PCDH15: variants seen among roughly 807,000 people sequenced by gnomAD.
PCDH15 encodes the protein protocadherin-15.
In PCDH15, 129 loss-of-function variants were observed where a neutral mutation model predicts 178.5. The ratio of observed to expected loss-of-function variants is 0.72; its 90% CI spans 0.63 to 0.84. The LOEUF (loss-of-function observed/expected upper bound fraction) is 0.84. Among genes scored for constraint, PCDH15 ranks in the 40% least tolerant of loss-of-function variants. The pLI is 0.00. For synonymous variants in PCDH15, 800 were observed against 732.0 expected (o/e 1.09, Z -1.50); for missense variants, 2,230 against 2,099.9 (o/e 1.06, Z -1.21).
At chr10:55,623,998 G>C (rs187613508) in intron 2 of PCDH15, among the ~76,000 whole-genome samples, 1 of 150,792 alleles carries the variant, frequency 6.6e-6, no homozygotes, top group East Asian at 1.9e-4. Context: ...TGAATTTCTA[G>C]AGCAGCAAAA....
chr10:55,283,033 TG>T (rs1465753676), intron 1 of PCDH15, among the ~76,000 whole-genome samples: 1 of 152,196 alleles, frequency 6.6e-6, no homozygotes, highest in African/African-American at 2.4e-5. Context: ...ACACTGCCTT[TG>T]CAGGGCTAAC....
chr10:53,814,720 C>CTT (rs2075998821), intron 35 of PCDH15, among the ~76,000 whole-genome samples: 1 of 152,054 alleles, frequency 6.6e-6, no homozygotes, highest in Non-Finnish European at 1.5e-5. Context: ...ACTCCCAGCA[C>CTT]TTTGGGAGGC....
chr10:54,139,768 G>A (rs1008512849), intron 14 of PCDH15, among the ~76,000 whole-genome samples: 4 of 151,958 alleles, frequency 2.6e-5, no homozygotes, highest in African/African-American at 9.7e-5. Context: ...AAACAAGGCA[G>A]AAGAAAACCA....
intron 3 of PCDH15, among the ~76,000 whole-genome samples, chr10:54,478,649 A>G (rs769843111): frequency 3.9e-5 from 6 of 152,014 alleles, no homozygotes; most frequent in Non-Finnish European, 8.8e-5. Context: ...TTTGCTTTGC[A>G]CTCTCTTTAC....
chr10:55,317,389 T>C (rs1046400909), intron 1 of PCDH15, among the ~76,000 whole-genome samples: 4 of 152,174 alleles, frequency 2.6e-5, no homozygotes, highest in African/African-American at 9.7e-5. Context: ...TTTTCCCCTA[T>C]ATGTACACTA....
intron 1 of PCDH15, among the ~76,000 whole-genome samples, chr10:54,679,385 C>A (rs1242860022): frequency 6.6e-6 from 1 of 152,066 alleles, no homozygotes; most frequent in Non-Finnish European, 1.5e-5. Context: ...GCAAAACACA[C>A]TCTGTTTCAT....
At chr10:55,446,997 C>A (rs1358774005) in intron 2 of PCDH15, among the ~76,000 whole-genome samples, 1 of 151,918 alleles carries the variant, frequency 6.6e-6, no homozygotes, top group East Asian at 1.9e-4. Context: ...ACAGATAAAA[C>A]AGAAGTCATA....
At chr10:55,094,772 C>A (rs1842407323) in intron 2 of PCDH15, among the ~76,000 whole-genome samples, 1 of 151,962 alleles carries the variant, frequency 6.6e-6, no homozygotes, top group African/African-American at 2.4e-5. Context: ...GCACTGTGAT[C>A]AGTGCTTACA....
In PCDH15 at chr10:55,170,742, C is replaced by T. The variant is rs577931968; in HGVS notation, c.-155-4091G>A. Among the ~76,000 whole-genome samples, 7 of 152,014 alleles carry T rather than the reference C, an allele frequency of 4.6e-5. No individual in the cohort carries two copies. The South Asian group carries it at 6.2e-4, about 14-fold the overall frequency. On this transcript the variant is annotated intron_variant, in intron 1 of 5. Coordinates refer to the PCDH15 transcript ENST00000458638. ...ACTAAAAATACAAAAATTAGCTGGGCGTGGTGGCATGCGCCTGTAATCTCA... is the reference window on the plus strand; with the variant it reads ...ACTAAAAATACAAAAATTAGCTGGGTGTGGTGGCATGCGCCTGTAATCTCA...
intron 1 of PCDH15, among the ~76,000 whole-genome samples, chr10:55,302,496 G>A (rs1353075186): frequency 1.3e-5 from 2 of 152,030 alleles, no homozygotes; most frequent in African/African-American, 4.8e-5. Flanking sequence ...GGCTGACCAA[G>A]GAAAACCGTA....
At chr10:54,689,462 T>C (rs980790996) in intron 1 of PCDH15, among the ~76,000 whole-genome samples, 7 of 152,150 alleles carry the variant, frequency 4.6e-5, no homozygotes, top group African/African-American at 1.7e-4. Flanking sequence ...AGAAAAATTC[T>C]TGATCAACAC....
At chr10:55,215,615 C>T (rs1840683335) in intron 1 of PCDH15, among the ~76,000 whole-genome samples, 1 of 151,840 alleles carries the variant, frequency 6.6e-6, no homozygotes, top group Non-Finnish European at 1.5e-5. Context: ...ACTTTTTTGC[C>T]TTATCAATGT....
At chr10:54,031,321 A>G (rs898155931) in intron 18 of PCDH15, among the ~76,000 whole-genome samples, 1 of 151,902 alleles carries the variant, frequency 6.6e-6, no homozygotes, top group Non-Finnish European at 1.5e-5. Flanking sequence ...CATCTGGGAA[A>G]CCTCTTCTTT....
At chr10:53,949,200 T>A (rs748524307) in intron 23 of PCDH15, among the ~76,000 whole-genome samples, 1 of 152,182 alleles carries the variant, frequency 6.6e-6, no homozygotes, top group African/African-American at 2.4e-5. Context: ...TAATGAAAGA[T>A]TGTCAGAATC....
intron 16 of PCDH15, among the ~76,000 whole-genome samples, chr10:54,086,546 AG>A (rs2094519933): frequency 6.6e-6 from 1 of 152,188 alleles, no homozygotes; most frequent in Non-Finnish European, 1.5e-5. Flanking sequence ...GTTTCAAAGA[AG>A]GTGGCAGTTG....
rs1255763448 is a variant in PCDH15, at chr10:54,708,783, T to G, written c.-28-44493A>C. ...CCCCAATGCAGGCCAGAATAACGTG[T>G]GTGTGTGTGTGTGTGTGTGCGCGCG... On this transcript the variant is annotated intron_variant, in intron 1 of 37. Transcript: ENST00000644397. 2.7e-5 allele frequency among the ~76,000 whole-genome samples: 4 copies of G among 146,816 alleles called. No homozygotes were observed. In the East Asian group the frequency reaches 7.8e-4, roughly 29 times the overall value.
rs948879376 is a variant in PCDH15 at position 55,511,052 on chromosome 10, T to C, written c.-156+116573A>G. 2.8e-5 allele frequency among the ~76,000 whole-genome samples: 4 copies of C among 144,460 alleles called. No homozygotes were observed. The East Asian group carries it at 8.1e-4, about 29-fold the overall frequency. The allele number at this position is 144,460 out of a possible 152,430, so 94.8% of individuals were successfully genotyped here. On this transcript the variant is annotated intron_variant, in intron 2 of 5. Coordinates refer to the PCDH15 transcript ENST00000613346. Reference sequence around the variant, plus strand: ...TTTGTTTTTTTTGTTTGTTTGTTTGTTTTTTTTTTTAGAGATACAGGTCTT... The same window carrying C: ...TTTGTTTTTTTTGTTTGTTTGTTTGCTTTTTTTTTTAGAGATACAGGTCTT...
chr10:54,528,583 T>A (rs1185751621), intron 2 of PCDH15, among the ~76,000 whole-genome samples: 1 of 152,082 alleles, frequency 6.6e-6, no homozygotes, highest in Non-Finnish European at 1.5e-5. Flanking sequence ...GATTTCCTAC[T>A]TCTAATATAA....
chr10:55,238,961 T>G (rs1841468298), intron 1 of PCDH15, among the ~76,000 whole-genome samples: 1 of 152,140 alleles, frequency 6.6e-6, no homozygotes, highest in Non-Finnish European at 1.5e-5. Context: ...ATTCTATATA[T>G]TTTTTACTTA....
Sources: gnomAD v4.1 joint callset for allele counts (sites outside exome capture counted in the v4.1 genomes callset) on GRCh38, gnomAD v4.1.1 for gene constraint, MANE v1.5 for transcripts, NCBI Gene and HGNC (gene_info 2026-07-23, HGNC 2026-07-21) for gene names.